PCDH15: variants seen among roughly 807,000 people sequenced by gnomAD.
The protein encoded by PCDH15 is protocadherin related 15.
Under a neutral mutation model 178.5 loss-of-function variants are expected in PCDH15, and 129 were observed. The observed-to-expected ratio is 0.72, with a 90% CI of 0.63 to 0.84. The LOEUF (loss-of-function observed/expected upper bound fraction) is 0.84, where lower values mean the gene tolerates loss of function less well. Ranked by LOEUF, PCDH15 falls within the 40% of genes least tolerant of loss-of-function variation. PCDH15 has a pLI of 0.00. For missense variants in PCDH15, 2,230 were observed against 2,099.9 expected, an observed-to-expected ratio of 1.06 and a Z score of -1.21; for synonymous variants, 800 against 732.0, an observed-to-expected ratio of 1.09 and a Z score of -1.50.
Position 55,170,666 on chromosome 10 carries a change from G to A in PCDH15, c.-155-4015C>T, listed in dbSNP as rs139876158. 5.9e-3 allele frequency among the ~76,000 whole-genome samples: 905 copies of A among 152,134 alleles called. 9 individuals carry two copies. The highest frequency in any genetic ancestry group is 0.021 in the African/African-American group (876 of 41,518). On this transcript the variant is annotated intron_variant, in intron 1 of 5. Coordinates refer to the PCDH15 transcript ENST00000458638. ...TGGGAGGCTGAGGTGGGTGGATCACGAGGTCAGGAGTTCGAGACTAGCCTG... is the reference window on the plus strand; with the variant it reads ...TGGGAGGCTGAGGTGGGTGGATCACAAGGTCAGGAGTTCGAGACTAGCCTG...
chr10:55,550,154 G>C (rs1841975343), intron 2 of PCDH15, among the ~76,000 whole-genome samples: 1 of 151,990 alleles, frequency 6.6e-6, no homozygotes, highest in Non-Finnish European at 1.5e-5. Flanking sequence ...AGAATAGGGG[G>C]AGAGGAAAAT....
intron 2 of PCDH15, among the ~76,000 whole-genome samples, chr10:55,516,871 A>G (rs1841025876): frequency 6.6e-6 from 1 of 152,142 alleles, no homozygotes; most frequent in Non-Finnish European, 1.5e-5. Context: ...GTGTATTTCA[A>G]AACTGCTCCT....
At chr10:54,981,570 T>A (rs951399550) in intron 2 of PCDH15, among the ~76,000 whole-genome samples, 2 of 152,138 alleles carry the variant, frequency 1.3e-5, no homozygotes, top group African/African-American at 4.8e-5. Context: ...TGCCAAGAGA[T>A]AATAACGAAG....
intron 2 of PCDH15, among the ~76,000 whole-genome samples, chr10:54,622,634 A>G (rs865803194): frequency 2.4e-5 from 1 of 41,528 alleles, no homozygotes; most frequent in South Asian, 5.8e-4. Context: ...TATAATATAT[A>G]TTATATAATT....
intron 20 of PCDH15, among the ~76,000 whole-genome samples, chr10:54,002,681 G>A (rs1380590037): frequency 6.6e-6 from 1 of 152,164 alleles, no homozygotes; most frequent in Admixed American, 6.5e-5. Flanking sequence ...CAATAGTGAG[G>A]TGTGGAGTTG....
intron 2 of PCDH15, among the ~76,000 whole-genome samples, chr10:55,480,243 G>A (rs1369965819): frequency 6.6e-6 from 1 of 151,632 alleles, no homozygotes; most frequent in Non-Finnish European, 1.5e-5. Context: ...AGATGATGAG[G>A]TTTTCTAGAT....
chr10:53,932,530 A>G (rs2085155233), intron 25 of PCDH15, among the ~76,000 whole-genome samples: 1 of 152,192 alleles, frequency 6.6e-6, no homozygotes, highest in South Asian at 2.1e-4. Context: ...GTAGTTGCCA[A>G]TGTTAAACTT....
intron 2 of PCDH15, among the ~76,000 whole-genome samples, chr10:55,558,670 T>A (rs1842136876): frequency 6.6e-6 from 1 of 152,132 alleles, no homozygotes; most frequent in East Asian, 1.9e-4. Flanking sequence ...CATAACATTA[T>A]CTAGCATTGC....
At chr10:55,127,005 C>T (rs1384719105) in intron 2 of PCDH15, among the ~76,000 whole-genome samples, 4 of 152,148 alleles carry the variant, frequency 2.6e-5, no homozygotes, top group Non-Finnish European at 4.4e-5. Flanking sequence ...CAGGTGTCCC[C>T]CCACCCCACA....
intron 3 of PCDH15, among the ~76,000 whole-genome samples, chr10:54,885,170 G>T (rs1289997391): frequency 1.3e-5 from 2 of 151,782 alleles, no homozygotes; most frequent in African/African-American, 2.4e-5. Context: ...AAGTTGTTTT[G>T]GTCATTACCA....
At chr10:54,025,245 TA>T (rs1565049424) in intron 18 of PCDH15, among the ~76,000 whole-genome samples, 1 of 152,184 alleles carries the variant, frequency 6.6e-6, no homozygotes, top group Non-Finnish European at 1.5e-5. Flanking sequence ...ATCACAAATT[TA>T]GCAGCTGACA....
intron 2 of PCDH15, among the ~76,000 whole-genome samples, chr10:54,925,799 C>A (rs1837607925): frequency 6.6e-6 from 1 of 152,102 alleles, no homozygotes; most frequent in Non-Finnish European, 1.5e-5. Flanking sequence ...ATTTTGTATC[C>A]TGAGTTTTTG....
rs145281349 is a variant in PCDH15, at chr10:54,935,575, C to G, written c.-79-38075G>C. Among the ~76,000 whole-genome samples, 59 of 152,186 alleles carry G rather than the reference C, an allele frequency of 3.9e-4. No individual in the cohort carries two copies. In the East Asian group the frequency reaches 0.01, roughly 26 times the overall value. Reference sequence around the variant, plus strand: ...AACTTCATTTTTCTTTCCTTGCTAACCTTTGCTTGCCCCAAATTACACACA... The same window carrying G: ...AACTTCATTTTTCTTTCCTTGCTAAGCTTTGCTTGCCCCAAATTACACACA... On this transcript the variant is annotated intron_variant, in intron 2 of 5. Transcript: ENST00000458638.
At chr10:54,652,492 T>C (rs902665271) in intron 2 of PCDH15, among the ~76,000 whole-genome samples, 1 of 152,200 alleles carries the variant, frequency 6.6e-6, no homozygotes, top group African/African-American at 2.4e-5. Flanking sequence ...TCTATTTCAG[T>C]GTTATGGGCT....
At chr10:55,183,406 A>C (rs1468766128) in intron 1 of PCDH15, among the ~76,000 whole-genome samples, 5 of 151,922 alleles carry the variant, frequency 3.3e-5, no homozygotes, top group Non-Finnish European at 7.4e-5. Flanking sequence ...TGAAACATGT[A>C]CACAATGTGG....
chr10:54,202,809 C>A (rs2050380830), intron 10 of PCDH15, among the ~76,000 whole-genome samples: 1 of 72,252 alleles, frequency 1.4e-5, no homozygotes, highest in African/African-American at 6.3e-5. Flanking sequence ...CGAAACCCCA[C>A]CTCAAAAAAA....
chr10:54,087,742 G>A (rs1182420760), intron 16 of PCDH15, among the ~76,000 whole-genome samples: 9 of 152,168 alleles, frequency 5.9e-5, no homozygotes, highest in Admixed American at 3.9e-4. Context: ...GTCATAGTTT[G>A]AATCCATGTC....
At chr10:55,565,095 T>A (rs1842274922) in intron 2 of PCDH15, among the ~76,000 whole-genome samples, 1 of 151,760 alleles carries the variant, frequency 6.6e-6, no homozygotes, top group Non-Finnish European at 1.5e-5. Context: ...ACGGATTATG[T>A]GTTAGGCCAC....
chr10:54,166,707 G>A (rs928044992), intron 13 of PCDH15, among the ~76,000 whole-genome samples: 1 of 152,144 alleles, frequency 6.6e-6, no homozygotes, highest in Non-Finnish European at 1.5e-5. Context: ...CCAAGCCATC[G>A]CATCCCCTGT....
Sources: allele counts gnomAD v4.1 joint callset (sites outside exome capture counted in the v4.1 genomes callset), GRCh38; gene constraint gnomAD v4.1.1; transcripts MANE v1.5; gene names NCBI Gene and HGNC (gene_info 2026-07-23, HGNC 2026-07-21).